PID1: variants seen among roughly 807,000 people sequenced by gnomAD.
PID1 encodes phosphotyrosine interaction domain containing 1, also known as PTB-containing, cubilin and LRP1-interacting protein.
A neutral mutation model predicts 19.1 loss-of-function variants in PID1; 10 were observed. The ratio of observed to expected loss-of-function variants is 0.52; its 90% CI spans 0.32 to 0.89. The LOEUF is 0.89. Among genes scored for constraint, PID1 ranks in the 40% least tolerant of loss-of-function variants. The probability of loss-of-function intolerance (pLI) is 0.03; values close to 1 mark genes in which losing one functional copy is unlikely to be tolerated. For synonymous variants in PID1, 130 were observed against 116.0 expected (o/e 1.12, Z -0.78); for missense variants, 248 against 285.3 (o/e 0.87, Z 0.94).
intron 2 of PID1, among the ~76,000 whole-genome samples, chr2:229,126,321 C>CA (rs945302206): frequency 4.0e-5 from 6 of 151,354 alleles, no homozygotes; most frequent in African/African-American, 1.2e-4. Context: ...TTGTGCTACA[C>CA]AAAAAAGACA....
At chr2:229,074,812 CA>C (rs1694525370) in intron 2 of PID1, among the ~76,000 whole-genome samples, 1 of 151,998 alleles carries the variant, frequency 6.6e-6, no homozygotes, top group African/African-American at 2.4e-5. Flanking sequence ...AAATTGATGG[CA>C]AAATATATTT....
Position 229,108,690 on chromosome 2 carries a change from G to A in PID1, c.177+47128C>T, listed in dbSNP as rs73998553. Among the ~76,000 whole-genome samples, 475 of 152,292 alleles carry A rather than the reference G, an allele frequency of 3.1e-3. 5 individuals carry two copies. The highest frequency in any genetic ancestry group is 0.011 in the African/African-American group (446 of 41,548). On this transcript the variant is annotated intron_variant, in intron 2 of 2. Coordinates refer to ENST00000392055, the MANE Select transcript of PID1 (RefSeq NM_001100818.2). ...AAGAATCTGGGACTCTAGCAACTAC[G>A]GAATATGAAGTAGGAGTCAGAGAGG...
intron 2 of PID1, among the ~76,000 whole-genome samples, chr2:229,085,832 A>T (rs1694753654): frequency 6.6e-6 from 1 of 152,152 alleles, no homozygotes; most frequent in Admixed American, 6.6e-5. Flanking sequence ...TATAAATGAG[A>T]CAAACTTGAA....
chr2:229,084,598 T>G (rs1262279053), intron 2 of PID1, among the ~76,000 whole-genome samples: 1 of 152,140 alleles, frequency 6.6e-6, no homozygotes, highest in Admixed American at 6.5e-5. Flanking sequence ...TGTTCCTGAT[T>G]AATAACAAAT....
chr2:229,053,682 G>T (rs1694039073), intron 2 of PID1, among the ~76,000 whole-genome samples: 1 of 152,114 alleles, frequency 6.6e-6, no homozygotes, highest in Non-Finnish European at 1.5e-5. Context: ...TTCCAAACTG[G>T]TCTATCGTTT....
At chr2:229,190,747 A>T in intron 1 of PID1, among the ~76,000 whole-genome samples, 1 of 150,746 alleles carries the variant, frequency 6.6e-6, no homozygotes, top group African/African-American at 2.5e-5. Flanking sequence ...TTCTTTTTCT[A>T]TTGTTTTTTG....
intron 1 of PID1, among the ~76,000 whole-genome samples, chr2:229,160,361 A>T (rs979718675): frequency 8.9e-6 from 1 of 112,328 alleles, no homozygotes; most frequent in Non-Finnish European, 2.0e-5. Flanking sequence ...GATAAACAGA[A>T]AAAGAAAAAA....
intron 1 of PID1, among the ~76,000 whole-genome samples, chr2:229,163,775 A>C (rs1157576956): frequency 6.6e-6 from 1 of 151,900 alleles, no homozygotes; most frequent in African/African-American, 2.4e-5. Flanking sequence ...TTATGTTCCT[A>C]GTTAAGTAGT....
chr2:229,062,907 C>T (rs1009069415), intron 2 of PID1, among the ~76,000 whole-genome samples: 5 of 151,886 alleles, frequency 3.3e-5, no homozygotes, highest in Admixed American at 6.6e-5. Context: ...AATTTGTTGG[C>T]GAATAATTTG....
intron 2 of PID1, among the ~76,000 whole-genome samples, chr2:229,086,445 C>T (rs997292893): frequency 1.3e-5 from 2 of 151,982 alleles, no homozygotes; most frequent in African/African-American, 4.8e-5. Context: ...TGTATGGGTA[C>T]CCAAGGGACA....
intron 2 of PID1, among the ~76,000 whole-genome samples, chr2:229,065,051 T>C (rs896342795): frequency 4.6e-5 from 7 of 152,186 alleles, no homozygotes; most frequent in African/African-American, 1.7e-4. Flanking sequence ...TGGCCCCATA[T>C]TGATACTTTG....
rs1398127389 is a variant in PID1, at chr2:229,271,256, C to T, written c.-213G>A. On this transcript the variant is annotated 5_prime_UTR_variant, in exon 1 of 3. Transcript: ENST00000392055. The stretch of plus-strand genomic sequence containing the variant: ...GCAACTTGTGGGCACGGCCGCGCGC[C>T]GGCTGTCCTGGCGCAGCTGCGAGAG... The T allele has an allele frequency of 4.6e-6, 2 of 432,690 alleles. No individual in the cohort carries two copies. Among genetic ancestry groups the T allele is most frequent in the Non-Finnish European group, 8.2e-6 (2 of 243,720 alleles). The allele number at this position is 432,690 out of a possible 1,614,324, so 26.8% of individuals were successfully genotyped here.
At chr2:229,187,556 A>G (rs6733691) in intron 1 of PID1, among the ~76,000 whole-genome samples, 141,226 of 152,146 alleles carry the variant, frequency 0.93, 65,641 homozygotes, top group Middle Eastern at 0.97. Flanking sequence ...AGAATAGCAT[A>G]GGAAAGACCA....
intron 1 of PID1, among the ~76,000 whole-genome samples, chr2:229,210,761 A>G (rs1017258619): frequency 6.6e-6 from 1 of 152,100 alleles, no homozygotes; most frequent in Non-Finnish European, 1.5e-5. Flanking sequence ...CAGTTCAGGA[A>G]AAAAGCTCCA....
chr2:229,105,313 C>G (rs930849986), intron 2 of PID1, among the ~76,000 whole-genome samples: 1 of 152,182 alleles, frequency 6.6e-6, no homozygotes, highest in Admixed American at 6.5e-5. Context: ...CCATCCTCCC[C>G]AGGGGAGATT....
intron 2 of PID1, among the ~76,000 whole-genome samples, chr2:229,073,639 G>A (rs1315601111): frequency 1.3e-5 from 2 of 152,040 alleles, no homozygotes; most frequent in Admixed American, 6.5e-5. Context: ...CATCACAGAG[G>A]ACAACAGAAC....
chr2:229,214,802 T>C (rs1364003634), intron 1 of PID1, among the ~76,000 whole-genome samples: 1 of 152,098 alleles, frequency 6.6e-6, no homozygotes, highest in Non-Finnish European at 1.5e-5. Flanking sequence ...ACTGCAGAAA[T>C]TTCAATGCAT....
At chr2:229,076,976 C>T (rs970477917) in intron 2 of PID1, among the ~76,000 whole-genome samples, 3 of 152,198 alleles carry the variant, frequency 2.0e-5, no homozygotes, top group Non-Finnish European at 2.9e-5. Context: ...ACCACACTGT[C>T]TTCCACAATG....
chr2:229,236,181 T>C (rs1239215743), intron 1 of PID1, among the ~76,000 whole-genome samples: 1 of 151,974 alleles, frequency 6.6e-6, no homozygotes. Context: ...ATGTTACCTT[T>C]AGACAGTCAC....
Sources: gnomAD v4.1 joint callset for allele counts (sites outside exome capture counted in the v4.1 genomes callset) on GRCh38, gnomAD v4.1.1 for gene constraint, MANE v1.5 for transcripts, NCBI Gene and HGNC (gene_info 2026-07-23, HGNC 2026-07-21) for gene names.